The following DCAF7 variants were observed in gnomAD, a reference collection of about 807,000 sequenced individuals.
The protein encoded by DCAF7 is DDB1 and CUL4 associated factor 7.
Under a neutral mutation model 41.2 loss-of-function variants are expected in DCAF7, and 4 were observed. The ratio of observed to expected loss-of-function variants is 0.10; its 90% CI spans 0.05 to 0.22. The LOEUF is 0.22. Ranked by LOEUF, DCAF7 falls within the 10% of genes least tolerant of loss-of-function variation. The pLI is 1.00. For synonymous variants in DCAF7, 143 were observed against 164.2 expected, an observed-to-expected ratio of 0.87 and a Z score of 0.99; for missense variants, 131 against 443.2, an observed-to-expected ratio of 0.30 and a Z score of 6.32.
intron 1 of DCAF7, among the ~76,000 whole-genome samples, chr17:63,570,385 C>T (rs549407626): frequency 9.2e-5 from 14 of 151,866 alleles, no homozygotes; most frequent in South Asian, 4.2e-4. Flanking sequence ...ACCTGGGAAG[C>T]GGAGGTTGCA....
chr17:63,568,876 T>C (rs1218838656), intron 1 of DCAF7, among the ~76,000 whole-genome samples: 1 of 152,230 alleles, frequency 6.6e-6, no homozygotes, highest in Admixed American at 6.5e-5. Flanking sequence ...TGCAGCTCCA[T>C]GCACGCTGCG....
intron 1 of DCAF7, among the ~76,000 whole-genome samples, chr17:63,559,197 G>A (rs914544009): frequency 8.0e-5 from 12 of 150,554 alleles, no homozygotes; most frequent in African/African-American, 2.9e-4. Flanking sequence ...TGTAATCCTC[G>A]CTACTTGGGA....
In DCAF7 at chr17:63,589,669, G is replaced by T; in HGVS notation, c.*497G>T. On this transcript the variant is annotated 3_prime_UTR_variant, in exon 7 of 7. Coordinates refer to ENST00000614556, the MANE Select transcript of DCAF7 (RefSeq NM_005828.5). ...AACTTTGTATATTTGTTATCTATCA[G>T]GCTAATTTTTTTATGAAAAGAATTT... The T allele has an allele frequency of 5.8e-6, 1 of 172,022 alleles. No individual in the cohort carries two copies. The highest frequency in any genetic ancestry group is 1.3e-5 in the Non-Finnish European group (1 of 79,508). The allele number at this position is 172,022 out of a possible 1,614,324, so 10.7% of individuals were successfully genotyped here.
Position 63,559,341 on chromosome 17 carries a change from ATATATACG to A in DCAF7, c.138+8533_138+8540del, listed in dbSNP as rs1256544668. 3.7e-5 allele frequency among the ~76,000 whole-genome samples: 5 copies of A among 134,826 alleles called. No homozygotes were observed. In the East Asian group the frequency reaches 1.0e-3, roughly 27 times the overall value. The allele number at this position is 134,826 out of a possible 152,430, so 88.5% of individuals were successfully genotyped here. A position where few individuals can be genotyped will look rare whatever the true frequency, so the allele number is the denominator to read the frequency against. ...TATATGTATATATATATACATACATATATATACGTATATATATGTATGTATATATATAT... is the reference window on the plus strand; with the variant it reads ...TATATGTATATATATATACATACATATATATATATGTATGTATATATATAT... On this transcript the variant is annotated intron_variant, in intron 1 of 6. Coordinates refer to ENST00000614556, the MANE Select transcript of DCAF7 (RefSeq NM_005828.5).
intron 1 of DCAF7, among the ~76,000 whole-genome samples, chr17:63,554,880 G>T (rs1302260773): frequency 1.3e-5 from 2 of 152,156 alleles, no homozygotes; most frequent in African/African-American, 4.8e-5. Context: ...GGTCAGAAAG[G>T]TAGCTGAAAA....
intron 1 of DCAF7, among the ~76,000 whole-genome samples, chr17:63,575,172 A>G (rs1357776202): frequency 1.3e-5 from 2 of 151,944 alleles, no homozygotes; most frequent in Middle Eastern, 3.2e-3. Context: ...ACAAAAAATA[A>G]AAATTAAAAT....
rs1302257005 is a variant in DCAF7 at position 63,590,070 on chromosome 17, C to A, written c.*898C>A. The stretch of plus-strand genomic sequence containing the variant: ...GGAATCGTTTCATGAAGCTGAACTT[C>A]AAGCATATTTCCAGTACATTCTTTC... On this transcript the variant is annotated 3_prime_UTR_variant, in exon 7 of 7. Transcript: ENST00000614556. 1.3e-5 allele frequency: 2 copies of A among 152,674 alleles called. No homozygotes were observed. The highest frequency in any genetic ancestry group is 4.8e-5 in the African/African-American group (2 of 41,468). 9.5% of individuals were successfully genotyped at this position (152,674 alleles called of 1,614,324 possible). A position where few individuals can be genotyped will look rare whatever the true frequency, so the allele number is the denominator to read the frequency against.
chr17:63,586,583 G>C (rs1220282788), intron 6 of DCAF7, among the ~76,000 whole-genome samples: 2 of 152,076 alleles, frequency 1.3e-5, no homozygotes, highest in Non-Finnish European at 2.9e-5. Flanking sequence ...GGCCAACATG[G>C]TGAAACCCTG....
intron 1 of DCAF7, among the ~76,000 whole-genome samples, chr17:63,575,734 A>G (rs902509106): frequency 6.6e-6 from 1 of 152,198 alleles, no homozygotes; most frequent in Non-Finnish European, 1.5e-5. Context: ...GAAATGTGCT[A>G]TGTTTATGCG....
intron 1 of DCAF7, among the ~76,000 whole-genome samples, chr17:63,558,916 C>T (rs1043883575): frequency 2.6e-5 from 4 of 152,060 alleles, no homozygotes; most frequent in African/African-American, 7.2e-5. Flanking sequence ...TAAATAAGAT[C>T]GTTTGATACT....
intron 1 of DCAF7, among the ~76,000 whole-genome samples, chr17:63,574,767 G>A (rs966511321): frequency 6.6e-6 from 1 of 152,154 alleles, no homozygotes; most frequent in African/African-American, 2.4e-5. Flanking sequence ...GAGCCCAGGA[G>A]TTCAAGACCA....
At chr17:63,575,732 C>T (rs186983516) in intron 1 of DCAF7, among the ~76,000 whole-genome samples, 245 of 152,260 alleles carry the variant, frequency 1.6e-3, no homozygotes, top group Non-Finnish European at 3.1e-3. Flanking sequence ...GAGAAATGTG[C>T]TATGTTTATG....
chr17:63,557,427 T>C (rs779843269), intron 1 of DCAF7, among the ~76,000 whole-genome samples: 3 of 151,984 alleles, frequency 2.0e-5, no homozygotes, highest in Non-Finnish European at 1.5e-5. Context: ...GAGACTTACT[T>C]GAACCTGGGA....
chr17:63,551,311 C>CCG (rs201767232), intron 1 of DCAF7, among the ~76,000 whole-genome samples: 3 of 148,412 alleles, frequency 2.0e-5, no homozygotes, highest in East Asian at 4.0e-4. Flanking sequence ...ACTCCCACCC[C>CCG]CCCCGGGTAC....
intron 1 of DCAF7, among the ~76,000 whole-genome samples, chr17:63,556,305 C>T (rs546830352): frequency 5.3e-5 from 8 of 152,224 alleles, no homozygotes; most frequent in Non-Finnish European, 1.5e-5. Flanking sequence ...CGCAGTGGCT[C>T]ATGCCTGTAA....
intron 1 of DCAF7, among the ~76,000 whole-genome samples, chr17:63,562,604 T>C (rs924372844): frequency 2.0e-5 from 3 of 151,708 alleles, no homozygotes; most frequent in African/African-American, 7.3e-5. Flanking sequence ...TAGTTACATA[T>C]GTATACACGT....
At chr17:63,582,266 A>G (rs759200163) in intron 4 of DCAF7, among the ~76,000 whole-genome samples, 3 of 152,206 alleles carry the variant, frequency 2.0e-5, no homozygotes, top group Non-Finnish European at 2.9e-5. Context: ...GTGAGGTTAA[A>G]TAGCAATAGA....
At chr17:63,587,245 A>G (rs1386200947) in intron 6 of DCAF7, among the ~76,000 whole-genome samples, 2 of 151,404 alleles carry the variant, frequency 1.3e-5, no homozygotes, top group African/African-American at 2.4e-5. Flanking sequence ...TCATGCCTGT[A>G]TGTCTCCTTG....
chr17:63,583,347 T>C (rs959781072), intron 4 of DCAF7, among the ~76,000 whole-genome samples, 155 bp from the exon 5 acceptor site: 9 of 152,216 alleles, frequency 5.9e-5, no homozygotes, highest in African/African-American at 2.2e-4. Context: ...ATTAGAGCTC[T>C]CGGGTTTCAG....
Sources: gnomAD v4.1 joint callset for allele counts (sites outside exome capture counted in the v4.1 genomes callset) on GRCh38, gnomAD v4.1.1 for gene constraint, MANE v1.5 for transcripts, NCBI Gene and HGNC (gene_info 2026-07-23, HGNC 2026-07-21) for gene names.